The following DLC1 variants were observed in gnomAD, a reference collection of about 807,000 sequenced individuals.
DLC1 encodes DLC1 Rho GTPase activating protein, also known as rho GTPase-activating protein 7.
Under a neutral mutation model 140.3 loss-of-function variants are expected in DLC1, and 54 were observed. The observed-to-expected ratio is 0.38, with a 90% confidence interval of 0.31 to 0.48. The LOEUF (loss-of-function observed/expected upper bound fraction) is 0.48, where lower values mean the gene tolerates loss of function less well. Ranked by LOEUF, DLC1 falls within the 20% of genes least tolerant of loss-of-function variation. The pLI is 0.96. For synonymous variants in DLC1, 986 were observed against 728.1 expected (o/e 1.35, Z -5.70); for missense variants, 2,536 against 1,907.0 (o/e 1.33, Z -6.14).
chr8:13,603,375 T>C (rs1356319414), intron 1 of DLC1, among the ~76,000 whole-genome samples: 2 of 151,936 alleles, frequency 1.3e-5, no homozygotes, highest in Non-Finnish European at 2.9e-5. Context: ...GTTTGATTAA[T>C]GGGAGTCACT....
At chr8:13,510,463 T>G (rs543513219) in intron 1 of DLC1, among the ~76,000 whole-genome samples, 3 of 152,194 alleles carry the variant, frequency 2.0e-5, no homozygotes, top group Admixed American at 2.0e-4. Flanking sequence ...AATTGACTTA[T>G]GCCTTTTTAA....
At position 13,166,877 on chromosome 8, in the gene DLC1, T is replaced by C. The variant is rs575195422; in HGVS notation, c.1349-51220A>G. ...AGGTGAGTTTAGAGGACGCTGGGAA[T>C]TGGTGCCCTGTGGCCCTGGAGAAAA... On this transcript the variant is annotated intron_variant, in intron 5 of 17. Transcript: ENST00000276297. 5.9e-5 allele frequency among the ~76,000 whole-genome samples: 9 copies of C among 152,276 alleles called. No individual in the cohort carries two copies. In the East Asian group the frequency reaches 1.7e-3, roughly 30 times the overall value.
intron 5 of DLC1, among the ~76,000 whole-genome samples, chr8:13,172,821 G>A (rs1441978950): frequency 1.3e-5 from 2 of 152,184 alleles, no homozygotes; most frequent in Non-Finnish European, 2.9e-5. Context: ...ATCTTCCAGA[G>A]GCTGCAAGAT....
At chr8:13,442,294 G>A (rs1418934339) in intron 2 of DLC1, among the ~76,000 whole-genome samples, 1 of 152,132 alleles carries the variant, frequency 6.6e-6, no homozygotes, top group East Asian at 1.9e-4. Context: ...ATAGGCATGG[G>A]CAAGGACTTC....
At chr8:13,281,295 A>G (rs530849512) in intron 5 of DLC1, among the ~76,000 whole-genome samples, 1 of 152,336 alleles carries the variant, frequency 6.6e-6, no homozygotes, top group Non-Finnish European at 1.5e-5. Flanking sequence ...GATAAACTCT[A>G]TGAAATGTTC....
chr8:13,419,661 G>T (rs1039626108), intron 2 of DLC1, among the ~76,000 whole-genome samples: 9 of 152,148 alleles, frequency 5.9e-5, no homozygotes, highest in Non-Finnish European at 1.3e-4. Flanking sequence ...CAAGGACATT[G>T]GTCTAAAATT....
intron 1 of DLC1, among the ~76,000 whole-genome samples, chr8:13,523,405 G>C (rs745792178): frequency 6.6e-6 from 1 of 152,178 alleles, no homozygotes; most frequent in Non-Finnish European, 1.5e-5. Flanking sequence ...CAAGTCTTGT[G>C]AGACAGAGTT....
chr8:13,147,056 C>G (rs1441626326), intron 5 of DLC1, among the ~76,000 whole-genome samples: 1 of 152,162 alleles, frequency 6.6e-6, no homozygotes, highest in Non-Finnish European at 1.5e-5. Context: ...ATATATTTTT[C>G]TTCATTTGCC....
At chr8:13,224,897 AT>A (rs1828720189) in intron 5 of DLC1, among the ~76,000 whole-genome samples, 1 of 152,214 alleles carries the variant, frequency 6.6e-6, no homozygotes, top group Admixed American at 6.5e-5. Flanking sequence ...AACTAAAAAA[AT>A]TGTAGAAAGT....
In DLC1 at chr8:13,083,391, T is replaced by A. The variant is rs771998570; in HGVS notation, c.*2420A>T. The A allele has an allele frequency of 6.6e-6, 1 of 151,974 alleles. No individual in the cohort carries two copies. Among genetic ancestry groups the A allele is most frequent in the Non-Finnish European group, 1.5e-5 (1 of 67,984 alleles). The allele number at this position is 151,974 out of a possible 1,614,324, so 9.4% of individuals were successfully genotyped here. A position where few individuals can be genotyped will look rare whatever the true frequency, so the allele number is the denominator to read the frequency against. On this transcript the variant is annotated 3_prime_UTR_variant, in exon 18 of 18. Coordinates refer to ENST00000276297, the MANE Select transcript of DLC1 (RefSeq NM_182643.3). ...TATAGCAAATAATAAATTTATTAGG[T>A]GCCTACAAGTACAAAATACTGAAAG...
intron 2 of DLC1, among the ~76,000 whole-genome samples, chr8:13,431,556 G>GTC (rs1838873747): frequency 7.5e-6 from 1 of 132,614 alleles, no homozygotes; most frequent in Non-Finnish European, 1.6e-5. Context: ...TGTCTCTCTT[G>GTC]TCTCTACCTG....
upstream of DLC1, among the ~76,000 whole-genome samples, chr8:13,519,285 G>A (rs551002290): frequency 4.3e-4 from 65 of 152,140 alleles, no homozygotes; most frequent in Non-Finnish European, 6.9e-4. Context: ...CCGCCACCAT[G>A]CCCAGCTATT....
chr8:13,295,014 C>T (rs996380750), intron 5 of DLC1, among the ~76,000 whole-genome samples: 6 of 152,282 alleles, frequency 3.9e-5, no homozygotes, highest in South Asian at 4.1e-4. Context: ...TCAACCGAAA[C>T]ATCTGTTAAG....
In DLC1 at chr8:13,548,137, A is replaced by C. The variant is rs566425649; in HGVS notation, c.-125-47941T>G. Among the ~76,000 whole-genome samples, 10 of 152,180 alleles carry C rather than the reference A, an allele frequency of 6.6e-5. No individual in the cohort carries two copies. The South Asian group carries it at 2.1e-3, about 31-fold the overall frequency. On this transcript the variant is annotated intron_variant, in intron 1 of 1. Coordinates refer to the DLC1 transcript ENST00000631382. ...GCCTAATGCCGAGAACATAGTAAGA[A>C]TTTAGTATGTTTGTTCTAGCACATA...
At position 13,135,543 on chromosome 8, in the gene DLC1, C is replaced by T. The variant is rs142869942; in HGVS notation, c.1349-19886G>A. On this transcript the variant is annotated intron_variant, in intron 5 of 17. Transcript: ENST00000276297. ...GGATTTGCATTTTGAAAAGATCGCT[C>T]AGGCTGCAGTGTAATATTCAAACTT... 7.0e-3 allele frequency among the ~76,000 whole-genome samples: 1,067 copies of T among 151,988 alleles called. 42 individuals carry two copies. The highest frequency in any genetic ancestry group is 0.058 in the Admixed American group (886 of 15,256).
chr8:13,087,955 G>C (rs1239000554), intron 16 of DLC1, among the ~76,000 whole-genome samples: 1 of 152,146 alleles, frequency 6.6e-6, no homozygotes, highest in African/African-American at 2.4e-5. Context: ...CATTGGAAGG[G>C]GCCTCTCTTT....
At chr8:13,282,529 A>G (rs2117429984) in intron 5 of DLC1, among the ~76,000 whole-genome samples, 1 of 152,338 alleles carries the variant, frequency 6.6e-6, no homozygotes, top group South Asian at 2.1e-4. Context: ...TTACCTTAGC[A>G]AGAACAGAAT....
At chr8:13,221,726 GTATATA>G (rs377039517) in intron 5 of DLC1, among the ~76,000 whole-genome samples, 2 of 132,448 alleles carry the variant, frequency 1.5e-5, no homozygotes, top group Non-Finnish European at 3.1e-5. Context: ...GTGTGTGTGT[GTATATA>G]TATATATATA....
At chr8:13,428,144 A>G (rs537843126) in intron 2 of DLC1, among the ~76,000 whole-genome samples, 16 of 152,228 alleles carry the variant, frequency 1.1e-4, no homozygotes, top group Non-Finnish European at 1.9e-4. Flanking sequence ...GTGTTGTACT[A>G]GTGTAAAAAG....
Sources: allele counts gnomAD v4.1 joint callset (sites outside exome capture counted in the v4.1 genomes callset), GRCh38; gene constraint gnomAD v4.1.1; transcripts MANE v1.5; gene names NCBI Gene and HGNC (gene_info 2026-07-23, HGNC 2026-07-21).